The following CCDC171 variants were observed in gnomAD, a reference collection of about 807,000 sequenced individuals.
The protein encoded by CCDC171 is coiled-coil domain containing 171.
A neutral mutation model predicts 168.2 loss-of-function variants in CCDC171; 177 were observed. The observed-to-expected ratio is 1.05, with a 90% CI of 0.93 to 1.19. The LOEUF (loss-of-function observed/expected upper bound fraction) is 1.19. Among genes scored for constraint, CCDC171 ranks in the 50% most tolerant of loss-of-function variants. CCDC171 has a pLI of 0.00. For synonymous variants in CCDC171, 687 were observed against 540.8 expected (o/e 1.27, Z -3.75); for missense variants, 1,991 against 1,539.0 (o/e 1.29, Z -4.91).
At chr9:15,968,327 T>C (rs1831002489) in intron 25 of CCDC171, among the ~76,000 whole-genome samples, 2 of 152,168 alleles carry the variant, frequency 1.3e-5, no homozygotes, top group Admixed American at 1.3e-4. Context: ...ATTTAAAATA[T>C]AAGATTGGGT....
intron 25 of CCDC171, among the ~76,000 whole-genome samples, chr9:15,953,816 G>T (rs1829471290): frequency 6.6e-6 from 1 of 152,034 alleles, no homozygotes; most frequent in African/African-American, 2.4e-5. Context: ...GGCTTCTCTT[G>T]TTGAAAGGTT....
the CCDC171 span, among the ~76,000 whole-genome samples, chr9:16,103,114 C>G: frequency 6.6e-6 from 1 of 152,206 alleles, no homozygotes; most frequent in African/African-American, 2.4e-5. Flanking sequence ...GCAGGTCCAT[C>G]GGCCTTCAAT....
chr9:15,988,259 T>C (rs1832060995), intron 3 of CCDC171, among the ~76,000 whole-genome samples: 1 of 152,064 alleles, frequency 6.6e-6, no homozygotes, highest in African/African-American at 2.4e-5. Flanking sequence ...AAAAGGCTAC[T>C]GTACACTGTA....
chr9:16,046,264 T>A (rs2133063516), intron 1 of CCDC171, among the ~76,000 whole-genome samples: 1 of 149,758 alleles, frequency 6.7e-6, no homozygotes, highest in East Asian at 2.0e-4. Flanking sequence ...TAAAATGGGG[T>A]CCGGAGTGTG....
At chr9:15,929,502 A>G (rs1181383268) in intron 25 of CCDC171, among the ~76,000 whole-genome samples, 1 of 151,664 alleles carries the variant, frequency 6.6e-6, no homozygotes, top group African/African-American at 2.4e-5. Context: ...CTCTGAAATA[A>G]CTGTCCACCT....
intron 11 of CCDC171, among the ~76,000 whole-genome samples, chr9:15,719,631 T>C (rs2053343232): frequency 6.6e-6 from 1 of 152,196 alleles, no homozygotes; most frequent in Non-Finnish European, 1.5e-5. Context: ...AACTTTATTA[T>C]ATAAACATTT....
At chr9:15,572,276 T>G (rs565213114) in intron 3 of CCDC171, among the ~76,000 whole-genome samples, 4 of 152,336 alleles carry the variant, frequency 2.6e-5, no homozygotes, top group African/African-American at 7.2e-5. Flanking sequence ...AGATAATTCA[T>G]GAGTCATATC....
At chr9:15,788,848 C>G (rs2058102517) in intron 21 of CCDC171, among the ~76,000 whole-genome samples, 1 of 152,074 alleles carries the variant, frequency 6.6e-6, no homozygotes. Flanking sequence ...CCACTGTGTC[C>G]AGCCTAAATC....
At chr9:15,584,268 A>G (rs1427371290) in intron 4 of CCDC171, among the ~76,000 whole-genome samples, 1 of 152,206 alleles carries the variant, frequency 6.6e-6, no homozygotes. Context: ...TAGAGAAGAA[A>G]AAGTAGTATC....
chr9:15,902,380 G>A (rs2794638), intron 24 of CCDC171, among the ~76,000 whole-genome samples: 1 of 151,926 alleles, frequency 6.6e-6, no homozygotes, highest in African/African-American at 2.4e-5. Context: ...TAATATAAAA[G>A]GTTTTTGTTA....
At position 15,885,038 on chromosome 9, in the gene CCDC171, C is replaced by T. The variant is rs1819203329; in HGVS notation, c.3600+10375C>T. 2.0e-5 allele frequency among the ~76,000 whole-genome samples: 3 copies of T among 152,090 alleles called. No homozygotes were observed. The South Asian group carries it at 6.2e-4, about 32-fold the overall frequency. On this transcript the variant is annotated intron_variant, in intron 24 of 25. Coordinates refer to ENST00000380701, the MANE Select transcript of CCDC171 (RefSeq NM_173550.4). ...CAAGACCCAGGTGGTAAATTCATGC[C>T]ATATACTACTATTTAAATAATCATA...
rs377335112 is a variant in CCDC171, at chr9:15,745,611, A to G, written c.2651A>G (p.Gln884Arg). The change falls in exon 18 of 26, where the codon CAA becomes CGA. Residue 884 changes from glutamine to arginine, a missense_variant. By Grantham distance (43) the Gln-to-Arg change is conservative. Transcript: ENST00000380701. ...ATAATCAGTTCTATGGCTGAATTAC[A>G]AGACGTCATTGGTAAAGCAGGTATG... ...AAIISSMAELQDVIGKADPNS... is the reference protein window; with the variant it reads ...AAIISSMAELRDVIGKADPNS... 8 of 1,559,188 alleles carry G rather than the reference A, an allele frequency of 5.1e-6. No individual in the cohort carries two copies. The highest frequency in any genetic ancestry group is 6.9e-6 in the Non-Finnish European group (8 of 1,156,274).
At chr9:16,096,161 G>T in the CCDC171 span, among the ~76,000 whole-genome samples, 2 of 152,046 alleles carry the variant, frequency 1.3e-5, no homozygotes, top group African/African-American at 2.4e-5. Context: ...TTTAATGAAA[G>T]AATGAATTAT....
chr9:15,952,984 T>C (rs777791146), intron 25 of CCDC171, among the ~76,000 whole-genome samples: 1 of 152,194 alleles, frequency 6.6e-6, no homozygotes. Context: ...TCATATCATT[T>C]ATTGTTAGGG....
chr9:15,598,705 G>T (rs143560514), intron 6 of CCDC171, among the ~76,000 whole-genome samples: 2 of 152,092 alleles, frequency 1.3e-5, no homozygotes, highest in African/African-American at 4.8e-5. Flanking sequence ...GGATATCCTT[G>T]TTAACTTTCT....
At chr9:15,651,970 T>A (rs1251110793) in intron 7 of CCDC171, among the ~76,000 whole-genome samples, 1 of 152,116 alleles carries the variant, frequency 6.6e-6, no homozygotes, top group Non-Finnish European at 1.5e-5. Context: ...TGCAGTGGCA[T>A]GATCTCAGCT....
intron 9 of CCDC171, among the ~76,000 whole-genome samples, chr9:15,672,118 T>A (rs1056055975): frequency 6.6e-6 from 1 of 152,250 alleles, no homozygotes; most frequent in African/African-American, 2.4e-5. Flanking sequence ...GAGCGTTTTT[T>A]CATATGTCTG....
exon 2 of CCDC171, chr9:16,060,664 G>C (rs1412304708): frequency 1.3e-5 from 2 of 152,212 alleles, no homozygotes; most frequent in Non-Finnish European, 2.9e-5. Context: ...GAAGGGAAAA[G>C]AGACTTCATT....
intron 4 of CCDC171, among the ~76,000 whole-genome samples, chr9:15,587,400 C>A (rs1427532871): frequency 6.6e-6 from 1 of 152,190 alleles, no homozygotes; most frequent in Non-Finnish European, 1.5e-5. Flanking sequence ...TCTACACAAG[C>A]TCTCCTTTTG....
Sources: allele counts gnomAD v4.1 joint callset (sites outside exome capture counted in the v4.1 genomes callset), GRCh38; gene constraint gnomAD v4.1.1; transcripts MANE v1.5; gene names NCBI Gene and HGNC (gene_info 2026-07-23, HGNC 2026-07-21).